Variants in BACE2 observed in about 807,000 individuals in gnomAD.
BACE2 encodes the protein 56 kDa aspartic-like protease.
BACE2 carries 17 observed loss-of-function variants against 46.2 expected under a neutral mutation model. That is an observed-to-expected ratio of 0.37 (90% CI 0.25 to 0.55). The LOEUF (loss-of-function observed/expected upper bound fraction) is 0.55. Ranked by LOEUF, BACE2 falls within the 20% of genes least tolerant of loss-of-function variation. BACE2 has a pLI of 0.82. For synonymous variants in BACE2, 277 were observed against 295.9 expected, an observed-to-expected ratio of 0.94 and a Z score of 0.66; for missense variants, 595 against 698.1, an observed-to-expected ratio of 0.85 and a Z score of 1.66.
At chr21:41,189,581 T>C (rs1215647248) in intron 1 of BACE2, among the ~76,000 whole-genome samples, 3 of 152,234 alleles carry the variant, frequency 2.0e-5, no homozygotes, top group Non-Finnish European at 4.4e-5. Context: ...CTTGTTTCAG[T>C]GTGTTTGTCA....
intron 1 of BACE2, among the ~76,000 whole-genome samples, chr21:41,224,522 C>A (rs1311256815): frequency 3.9e-5 from 6 of 152,298 alleles, no homozygotes; most frequent in South Asian, 2.1e-4. Flanking sequence ...GCTTTTTAAA[C>A]CTGTTTTTCA....
chr21:41,187,690 G>A lies in BACE2; in HGVS notation c.312+19115G>A, dbSNP rs116990924. On this transcript the variant is annotated intron_variant, in intron 1 of 8. Coordinates refer to ENST00000330333, the MANE Select transcript of BACE2 (RefSeq NM_012105.5). ...GGTGAAGATGTGATGTGTAGATACT[G>A]AGCAAGAGAAAATGGTTGGGGGGCA... Among the ~76,000 whole-genome samples, 6 of 152,282 alleles carry A rather than the reference G, an allele frequency of 3.9e-5. No individual in the cohort carries two copies. In the East Asian group the frequency reaches 1.2e-3, roughly 29 times the overall value.
intron 2 of BACE2, among the ~76,000 whole-genome samples, chr21:41,226,958 T>C (rs1257181973): frequency 6.6e-6 from 1 of 152,166 alleles, no homozygotes; most frequent in African/African-American, 2.4e-5. Context: ...GAAAAAAAAG[T>C]GTAGCCTGAT....
At chr21:41,249,349 T>C (rs1355568830) in intron 6 of BACE2, among the ~76,000 whole-genome samples, 1 of 148,898 alleles carries the variant, frequency 6.7e-6, no homozygotes, top group Non-Finnish European at 1.5e-5. Context: ...ACACTTGGCC[T>C]CAGGGGACTC....
chr21:41,187,071 G>A (rs1437385549), intron 1 of BACE2, among the ~76,000 whole-genome samples: 1 of 152,184 alleles, frequency 6.6e-6, no homozygotes, highest in African/African-American at 2.4e-5. Flanking sequence ...ATCAAGTCCC[G>A]CCTCCTGCCT....
rs143626810 is a variant in BACE2 at position 41,244,807 on chromosome 21, A to G, written c.883-1155A>G. On this transcript the variant is annotated intron_variant, in intron 5 of 8. Coordinates refer to ENST00000330333, the MANE Select transcript of BACE2 (RefSeq NM_012105.5). ...ATTGTCAAGAGGCACTTATTTGTCA[A>G]TTAAGAACCCAGTGGTAGAATCGAA... 3.8e-3 allele frequency among the ~76,000 whole-genome samples: 585 copies of G among 152,308 alleles called. 5 individuals carry two copies. Among genetic ancestry groups the G allele is most frequent in the African/African-American group, 0.013 (558 of 41,560 alleles).
At chr21:41,262,351 C>T (rs913204497) in intron 8 of BACE2, among the ~76,000 whole-genome samples, 2 of 152,102 alleles carry the variant, frequency 1.3e-5, no homozygotes, top group African/African-American at 4.8e-5. Flanking sequence ...TACCAAGTCC[C>T]CATTTATGCC....
chr21:41,195,971 C>T (rs756629001), intron 1 of BACE2, among the ~76,000 whole-genome samples: 7 of 152,072 alleles, frequency 4.6e-5, no homozygotes, highest in Non-Finnish European at 1.0e-4. Flanking sequence ...AAATTACATA[C>T]ATTTATCCTT....
At chr21:41,199,272 G>A (rs868314963) in intron 1 of BACE2, among the ~76,000 whole-genome samples, 8 of 151,912 alleles carry the variant, frequency 5.3e-5, no homozygotes, top group Non-Finnish European at 1.2e-4. Context: ...GCTGGCTGCC[G>A]GAGTCCCTTC....
intron 6 of BACE2, among the ~76,000 whole-genome samples, chr21:41,249,576 C>G (rs778449501): frequency 2.0e-5 from 3 of 152,192 alleles, no homozygotes; most frequent in Non-Finnish European, 4.4e-5. Context: ...CCATGTCCAG[C>G]CGGCAGATTC....
rs1472137069 is a variant in BACE2 at position 41,198,873 on chromosome 21, A to ATTTATTTATTTAT, written c.313-27391_313-27379dup. The stretch of plus-strand genomic sequence containing the variant: ...TTTTTATTTATTTATTTATTTATTT[A>ATTTATTTATTTAT]TTTATTTATTTATTATACTTTAAGT... On this transcript the variant is annotated intron_variant, in intron 1 of 8. Coordinates refer to ENST00000330333, the MANE Select transcript of BACE2 (RefSeq NM_012105.5). 2.0e-5 allele frequency among the ~76,000 whole-genome samples: 3 copies of ATTTATTTATTTAT among 150,982 alleles called. No individual in the cohort carries two copies. The East Asian group carries it at 5.8e-4, about 29-fold the overall frequency.
intron 1 of BACE2, among the ~76,000 whole-genome samples, chr21:41,168,915 C>G (rs1401990944): frequency 6.6e-6 from 1 of 151,926 alleles, no homozygotes; most frequent in African/African-American, 2.4e-5. Flanking sequence ...CTACTTCCAG[C>G]GGGAGACGGA....
chr21:41,259,509 G>A (rs1107304), intron 8 of BACE2, among the ~76,000 whole-genome samples: 7 of 150,920 alleles, frequency 4.6e-5, no homozygotes, highest in African/African-American at 1.7e-4. Context: ...TTAAGTTACA[G>A]AAAATCATAT....
intron 2 of BACE2, among the ~76,000 whole-genome samples, chr21:41,229,680 T>C (rs1601289670): frequency 6.6e-6 from 1 of 152,188 alleles, no homozygotes; most frequent in Non-Finnish European, 1.5e-5. Context: ...CTGTGTTCAG[T>C]GTTTGGTTGA....
At chr21:41,225,710 T>G (rs924573943) in intron 1 of BACE2, 1 of 152,628 alleles carries the variant, frequency 6.6e-6, no homozygotes, top group Non-Finnish European at 1.5e-5. Flanking sequence ...GCATTTAAGA[T>G]CTTGCGTTTT....
chr21:41,278,047 A>C lies in BACE2; in HGVS notation c.*2423A>C, dbSNP rs951335592. The C allele has an allele frequency of 2.6e-5, 4 of 152,240 alleles. No individual in the cohort carries two copies. Among genetic ancestry groups the C allele is most frequent in the African/African-American group, 9.6e-5 (4 of 41,452 alleles). The allele number at this position is 152,240 out of a possible 1,614,324, so 9.4% of individuals were successfully genotyped here. A position where few individuals can be genotyped will look rare whatever the true frequency, so the allele number is the denominator to read the frequency against. On this transcript the variant is annotated 3_prime_UTR_variant, in exon 9 of 9. Coordinates refer to ENST00000330333, the MANE Select transcript of BACE2 (RefSeq NM_012105.5). ...CCTCCAGTTATGCAAATTGATGCTT[A>C]GCTTGGCAAGCTTTCAAGGAGGTTT...
intron 1 of BACE2, among the ~76,000 whole-genome samples, chr21:41,201,589 A>G (rs1186505340): frequency 6.6e-6 from 1 of 152,244 alleles, no homozygotes; most frequent in African/African-American, 2.4e-5. Context: ...CAGGCTCCTC[A>G]GGGGAGAGAA....
intron 2 of BACE2, among the ~76,000 whole-genome samples, chr21:41,232,498 G>A (rs186456390): frequency 6.6e-6 from 1 of 152,298 alleles, no homozygotes; most frequent in East Asian, 1.9e-4. Flanking sequence ...GATTCCCAGT[G>A]TTGGACCTGG....
At chr21:41,221,396 C>G (rs1011247917) in intron 1 of BACE2, among the ~76,000 whole-genome samples, 7 of 152,312 alleles carry the variant, frequency 4.6e-5, no homozygotes, top group African/African-American at 1.7e-4. Flanking sequence ...TGTGCAGAAC[C>G]TACACACAGC....
Sources: allele counts gnomAD v4.1 joint callset (sites outside exome capture counted in the v4.1 genomes callset), GRCh38; gene constraint gnomAD v4.1.1; transcripts MANE v1.5; gene names NCBI Gene and HGNC (gene_info 2026-07-23, HGNC 2026-07-21).